ASIC2: variants seen among roughly 807,000 people sequenced by gnomAD.
ASIC2 encodes the protein acid sensing ion channel subunit 2, also known as acid-sensing ion channel 2.
In ASIC2, 25 loss-of-function variants were observed where a neutral mutation model predicts 57.3. That is an observed-to-expected ratio of 0.44 (90% confidence interval 0.32 to 0.61). ASIC2 has a LOEUF of 0.61. Among genes scored for constraint, ASIC2 ranks in the 20% least tolerant of loss-of-function variants. The pLI, the probability that ASIC2 is intolerant of heterozygous loss-of-function variation, is 0.06. For synonymous variants in ASIC2, 319 were observed against 307.5 expected, an observed-to-expected ratio of 1.04 and a Z score of -0.39; for missense variants, 641 against 738.1, an observed-to-expected ratio of 0.87 and a Z score of 1.52.
intron 1 of ASIC2, among the ~76,000 whole-genome samples, chr17:33,260,841 G>A (rs1909253748): frequency 6.6e-6 from 1 of 152,158 alleles, no homozygotes; most frequent in Admixed American, 6.5e-5. Flanking sequence ...CAGTGCGTCT[G>A]CATGTAAATG....
intron 1 of ASIC2, among the ~76,000 whole-genome samples, chr17:33,539,275 T>C (rs1309823414): frequency 1.3e-5 from 2 of 152,266 alleles, no homozygotes; most frequent in Non-Finnish European, 2.9e-5. Context: ...AGTTTCTAAA[T>C]GGGCAGCCAG....
intron 1 of ASIC2, among the ~76,000 whole-genome samples, chr17:33,336,643 A>C (rs1907524880): frequency 6.6e-6 from 1 of 152,134 alleles, no homozygotes; most frequent in African/African-American, 2.4e-5. Flanking sequence ...TGAAGTTCAG[A>C]GAGGTTAGGC....
rs73275889 is a variant in ASIC2 at position 33,090,261 on chromosome 17, C to T, written c.860-1271G>A. Among the ~76,000 whole-genome samples the T allele has an allele frequency of 3.9e-3, 587 of 152,328 alleles. 8 individuals are homozygous for T. Among genetic ancestry groups the T allele is most frequent in the East Asian group, 0.015 (78 of 5,184 alleles). ...CCACCCAAAGCAACTCTTTCTCTTG[C>T]TCTGTTGTATCTTCCACATCTGCCT... On this transcript the variant is annotated intron_variant, in intron 2 of 9. Coordinates refer to ENST00000225823, the MANE Select transcript of ASIC2 (RefSeq NM_183377.2).
chr17:33,492,674 T>G (rs370823480), intron 1 of ASIC2, among the ~76,000 whole-genome samples: 8 of 152,202 alleles, frequency 5.3e-5, no homozygotes, highest in African/African-American at 1.9e-4. Context: ...CTGGGGATTG[T>G]GGACCTATGA....
At position 33,367,579 on chromosome 17, in the gene ASIC2, C is replaced by T. The variant is rs181936195; in HGVS notation, c.556-255512G>A. Among the ~76,000 whole-genome samples the T allele has an allele frequency of 5.3e-5, 8 of 152,346 alleles. No individual in the cohort carries two copies. In the East Asian group the frequency reaches 1.2e-3, roughly 22 times the overall value. On this transcript the variant is annotated intron_variant, in intron 1 of 9. Coordinates refer to the ASIC2 transcript ENST00000359872. ...GGGGCTTACTCTGATACCTGCCTCC[C>T]TTCATGCCTGCTGTCAGGGGTACTC...
At chr17:33,454,862 A>C (rs528410361) in intron 1 of ASIC2, among the ~76,000 whole-genome samples, 3 of 152,362 alleles carry the variant, frequency 2.0e-5, no homozygotes, top group South Asian at 4.1e-4. Context: ...CACTCCCTGC[A>C]ACCTCTTTTC....
chr17:33,734,542 C>T (rs1395393583), intron 1 of ASIC2, among the ~76,000 whole-genome samples: 1 of 152,226 alleles, frequency 6.6e-6, no homozygotes, highest in East Asian at 1.9e-4. Flanking sequence ...ACCTACCCCT[C>T]TTCCTTCACT....
chr17:33,193,010 C>G (rs1205894867), intron 1 of ASIC2, among the ~76,000 whole-genome samples: 1 of 152,292 alleles, frequency 6.6e-6, no homozygotes, highest in East Asian at 1.9e-4. Flanking sequence ...AGGGCAGAAG[C>G]TTGCTAAGCA....
In ASIC2 at chr17:33,159,245, A is replaced by G. The variant is rs185294035; in HGVS notation, c.709-47178T>C. On this transcript the variant is annotated intron_variant, in intron 1 of 9. Transcript: ENST00000225823. ...TGGCTGGGTTTTAAGGCATGTATGCATTGCACTTCAACGATGCATCATCTA... is the reference window on the plus strand; with the variant it reads ...TGGCTGGGTTTTAAGGCATGTATGCGTTGCACTTCAACGATGCATCATCTA... Among the ~76,000 whole-genome samples, 272 of 152,318 alleles carry G rather than the reference A, an allele frequency of 1.8e-3. 2 individuals are homozygous for G. Among genetic ancestry groups the G allele is most frequent in the African/African-American group, 6.1e-3 (255 of 41,566 alleles).
intron 1 of ASIC2, among the ~76,000 whole-genome samples, chr17:33,778,417 G>A (rs1174890711): frequency 2.0e-5 from 3 of 152,056 alleles, no homozygotes; most frequent in African/African-American, 4.8e-5. Context: ...TTTATCAGCA[G>A]ATAGGCAAAA....
chr17:33,434,177 TGA>T (rs927498134), intron 1 of ASIC2, among the ~76,000 whole-genome samples: 106 of 151,618 alleles, frequency 7.0e-4, no homozygotes, highest in Non-Finnish European at 1.3e-3. Flanking sequence ...AAATGGTATT[TGA>T]GAGAAAATGA....
rs1163126853 is a variant in ASIC2, at chr17:33,634,418, A to G, written c.555+521560T>C. 2.0e-5 allele frequency among the ~76,000 whole-genome samples: 3 copies of G among 152,200 alleles called. No homozygotes were observed. The East Asian group carries it at 5.8e-4, about 29-fold the overall frequency. On this transcript the variant is annotated intron_variant, in intron 1 of 9. Coordinates refer to the ASIC2 transcript ENST00000359872. ...ACCTAAGTTAGTAACAATAATTACT[A>G]GCTTGTTCATTCAAAAAAGCATTAA...
intron 1 of ASIC2, among the ~76,000 whole-genome samples, chr17:33,136,531 G>A (rs4133924): frequency 6.6e-6 from 1 of 152,062 alleles, no homozygotes; most frequent in Non-Finnish European, 1.5e-5. Context: ...GACCCATGTC[G>A]TGGAAAACTT....
At chr17:33,106,727 T>C (rs939645138) in intron 2 of ASIC2, among the ~76,000 whole-genome samples, 4 of 152,184 alleles carry the variant, frequency 2.6e-5, no homozygotes, top group African/African-American at 9.6e-5. Context: ...TGACTGGAGC[T>C]GAGCCAATGA....
chr17:33,102,964 C>T (rs537392482), intron 2 of ASIC2, among the ~76,000 whole-genome samples: 37 of 152,052 alleles, frequency 2.4e-4, no homozygotes, highest in East Asian at 1.6e-3. Context: ...TTTGTATTTT[C>T]AGTAGAGACA....
intron 2 of ASIC2, among the ~76,000 whole-genome samples, chr17:33,092,286 T>G (rs2092160729): frequency 6.6e-6 from 1 of 152,270 alleles, no homozygotes; most frequent in Non-Finnish European, 1.5e-5. Flanking sequence ...TAAAGATTGC[T>G]TTCCAGGTTG....
At chr17:33,528,870 A>G (rs931553773) in intron 1 of ASIC2, among the ~76,000 whole-genome samples, 1 of 152,168 alleles carries the variant, frequency 6.6e-6, no homozygotes. Flanking sequence ...AGAAATAGCC[A>G]CCTTGTGAAT....
chr17:34,034,082 C>A (rs1907752233), intron 1 of ASIC2, among the ~76,000 whole-genome samples: 1 of 152,166 alleles, frequency 6.6e-6, no homozygotes, highest in Non-Finnish European at 1.5e-5. Flanking sequence ...AGACCAATAT[C>A]CTTGATAAAC....
chr17:33,443,679 G>A (rs1474760442), intron 1 of ASIC2, among the ~76,000 whole-genome samples: 1 of 151,742 alleles, frequency 6.6e-6, no homozygotes, highest in African/African-American at 2.4e-5. Flanking sequence ...GCCTCCCAAA[G>A]TGCTGGGATT....
Sources: gnomAD v4.1 joint callset for allele counts (sites outside exome capture counted in the v4.1 genomes callset) on GRCh38, gnomAD v4.1.1 for gene constraint, MANE v1.5 for transcripts, NCBI Gene and HGNC (gene_info 2026-07-23, HGNC 2026-07-21) for gene names.